The following KCNH8 variants were observed in gnomAD, a reference collection of about 807,000 sequenced individuals.
KCNH8 encodes the protein potassium voltage-gated channel subfamily H member 8, also known as voltage-gated delayed rectifier potassium channel KCNH8.
KCNH8 carries 70 observed loss-of-function variants against 103.6 expected under a neutral mutation model. The ratio of observed to expected loss-of-function variants is 0.68; its 90% CI spans 0.56 to 0.82. KCNH8 has a LOEUF of 0.82. Ranked by LOEUF, KCNH8 falls within the 40% of genes least tolerant of loss-of-function variation. The pLI, the probability that KCNH8 is intolerant of heterozygous loss-of-function variation, is 0.00. For synonymous variants in KCNH8, 498 were observed against 489.4 expected, an observed-to-expected ratio of 1.02 and a Z score of -0.23; for missense variants, 1,217 against 1,329.9, an observed-to-expected ratio of 0.92 and a Z score of 1.32.
At chr3:19,278,439 GAGAA>G (rs2064707442) in intron 2 of KCNH8, among the ~76,000 whole-genome samples, 1 of 132,408 alleles carries the variant, frequency 7.6e-6, no homozygotes, top group Non-Finnish European at 1.6e-5. Context: ...GAGATGGAGG[GAGAA>G]AGGCAGGCAG....
chr3:19,503,026 C>T (rs1178830257), intron 11 of KCNH8, among the ~76,000 whole-genome samples: 5 of 151,792 alleles, frequency 3.3e-5, no homozygotes, highest in African/African-American at 1.2e-4. Flanking sequence ...GCAACGTACT[C>T]ATCTGACAAA....
At chr3:19,371,170 C>A (rs1159923806) in intron 5 of KCNH8, among the ~76,000 whole-genome samples, 5 of 148,432 alleles carry the variant, frequency 3.4e-5, no homozygotes, top group African/African-American at 1.2e-4. Context: ...TTCTAGATCC[C>A]TGAGGAATCG....
At chr3:19,396,970 G>A (rs1342052795) in intron 7 of KCNH8, among the ~76,000 whole-genome samples, 1 of 151,848 alleles carries the variant, frequency 6.6e-6, no homozygotes, top group Non-Finnish European at 1.5e-5. Context: ...GTCTCGTCTG[G>A]TCTGAGAGTC....
At chr3:19,298,013 T>A (rs1328997025) in intron 3 of KCNH8, among the ~76,000 whole-genome samples, 4 of 152,234 alleles carry the variant, frequency 2.6e-5, no homozygotes, top group Non-Finnish European at 5.9e-5. Flanking sequence ...CCATGGTGAC[T>A]ATCACTCTTA....
chr3:19,502,227 G>A lies in KCNH8; in HGVS notation c.2041-8136G>A, dbSNP rs1171644192. ...ATCCAACTTACAAGGGATGTGAAGG[G>A]CCTCTTCAAGGAGAACTACAAACCA... On this transcript the variant is annotated intron_variant, in intron 11 of 15. Transcript: ENST00000328405. Among the ~76,000 whole-genome samples, 388 of 151,356 alleles carry A rather than the reference G, an allele frequency of 2.6e-3. 1 individual carries two copies. The highest frequency in any genetic ancestry group is 4.7e-3 in the Non-Finnish European group (320 of 67,774).
At chr3:19,332,204 C>G (rs1460028068) in intron 3 of KCNH8, among the ~76,000 whole-genome samples, 1 of 152,112 alleles carries the variant, frequency 6.6e-6, no homozygotes, top group Admixed American at 6.5e-5. Flanking sequence ...AAAATTCTAT[C>G]ACTACAAAAA....
At chr3:19,524,306 C>CAAAG (rs1356210965) in intron 15 of KCNH8, among the ~76,000 whole-genome samples, 1 of 151,806 alleles carries the variant, frequency 6.6e-6, no homozygotes, top group Admixed American at 6.6e-5. Flanking sequence ...AAAACATAAA[C>CAAAG]AAAGACTGTA....
At chr3:19,343,744 C>T (rs79445004) in intron 4 of KCNH8, among the ~76,000 whole-genome samples, 2,004 of 152,170 alleles carry the variant, frequency 0.013, 40 homozygotes, top group African/African-American at 0.045. Flanking sequence ...CATACACATG[C>T]TTTGATAAAA....
chr3:19,421,411 A>G (rs147154658), intron 7 of KCNH8, among the ~76,000 whole-genome samples: 2 of 152,266 alleles, frequency 1.3e-5, no homozygotes, highest in African/African-American at 4.8e-5. Flanking sequence ...CATTCTCATT[A>G]GAATGATAGC....
At chr3:19,473,220 T>TA (rs1483715989) in intron 11 of KCNH8, among the ~76,000 whole-genome samples, 2 of 152,262 alleles carry the variant, frequency 1.3e-5, no homozygotes, top group Non-Finnish European at 2.9e-5. Context: ...TCTTCTGATT[T>TA]ATAGCATAAG....
At chr3:19,286,805 T>C (rs533111800) in intron 3 of KCNH8, among the ~76,000 whole-genome samples, 10 of 152,154 alleles carry the variant, frequency 6.6e-5, no homozygotes, top group Non-Finnish European at 1.3e-4. Context: ...CCATCCACTA[T>C]TTTTCTGAAT....
rs185348494 is a variant in KCNH8 at position 19,504,399 on chromosome 3, C to A, written c.2041-5964C>A. 1.1e-3 allele frequency among the ~76,000 whole-genome samples: 166 copies of A among 152,172 alleles called. 1 individual carries two copies. Among genetic ancestry groups the A allele is most frequent in the African/African-American group, 3.8e-3 (157 of 41,534 alleles). On this transcript the variant is annotated intron_variant, in intron 11 of 15. Transcript: ENST00000328405. ...AAAGACACTATCAACAAACAGCCTA[C>A]AGAGTGGTAGAAAATTTTTGCAAAC...
intron 15 of KCNH8, among the ~76,000 whole-genome samples, chr3:19,524,628 G>A (rs1318323971): frequency 6.6e-6 from 1 of 151,876 alleles, no homozygotes; most frequent in Non-Finnish European, 1.5e-5. Context: ...AGCTTCTCCT[G>A]TGAGGGGTGG....
chr3:19,489,715 C>T (rs1243475920), intron 11 of KCNH8, among the ~76,000 whole-genome samples: 1 of 152,126 alleles, frequency 6.6e-6, no homozygotes, highest in Non-Finnish European at 1.5e-5. Flanking sequence ...ACCACACTCA[C>T]ACCACACTCA....
chr3:19,256,548 T>C (rs1343641563), intron 2 of KCNH8, among the ~76,000 whole-genome samples: 1 of 152,100 alleles, frequency 6.6e-6, no homozygotes, highest in African/African-American at 2.4e-5. Context: ...TTGTCTGAAA[T>C]ATCCGCTGAC....
chr3:19,290,393 A>G (rs2125281142), intron 3 of KCNH8, among the ~76,000 whole-genome samples: 1 of 152,294 alleles, frequency 6.6e-6, no homozygotes, highest in African/African-American at 2.4e-5. Context: ...TGTCATATAT[A>G]GCTCTTATTA....
At chr3:19,313,993 G>A (rs7431348) in intron 3 of KCNH8, among the ~76,000 whole-genome samples, 16,304 of 151,786 alleles carry the variant, frequency 0.11, 1,011 homozygotes, top group East Asian at 0.18. Flanking sequence ...AACTTCGAAT[G>A]TACTTGCAAA....
chr3:19,517,718 C>T (rs925658950), intron 14 of KCNH8, among the ~76,000 whole-genome samples: 1 of 151,866 alleles, frequency 6.6e-6, no homozygotes, highest in Non-Finnish European at 1.5e-5. Context: ...CATCTTGGAA[C>T]GTGGTGGTGA....
At chr3:19,510,637 C>G (rs566284913) in intron 12 of KCNH8, among the ~76,000 whole-genome samples, 1 of 152,270 alleles carries the variant, frequency 6.6e-6, no homozygotes. Context: ...GTTACCAAAA[C>G]ATGCCAAATG....
Sources: gnomAD v4.1 joint callset for allele counts (sites outside exome capture counted in the v4.1 genomes callset) on GRCh38, gnomAD v4.1.1 for gene constraint, MANE v1.5 for transcripts, NCBI Gene and HGNC (gene_info 2026-07-23, HGNC 2026-07-21) for gene names.